Variants in ZRANB3 observed in about 807,000 individuals in gnomAD.
ZRANB3 encodes the protein zinc finger RANBP2-type containing 3.
Under a neutral mutation model 133.8 loss-of-function variants are expected in ZRANB3, and 125 were observed. That is an observed-to-expected ratio of 0.93 (90% confidence interval 0.81 to 1.08). The LOEUF is 1.08. ZRANB3 is among the 50% of genes least tolerant of loss of function. The pLI is 0.00. For synonymous variants in ZRANB3, 387 were observed against 432.7 expected, an observed-to-expected ratio of 0.89 and a Z score of 1.31; for missense variants, 1,229 against 1,275.5, an observed-to-expected ratio of 0.96 and a Z score of 0.56.
intron 2 of ZRANB3, among the ~76,000 whole-genome samples, chr2:135,471,197 C>G (rs751065928): frequency 4.6e-5 from 7 of 151,642 alleles, no homozygotes; most frequent in African/African-American, 9.7e-5. Context: ...CATTAAGCAG[C>G]CTGCTAGAAC....
chr2:135,232,149 G>A (rs1376694085), intron 12 of ZRANB3, among the ~76,000 whole-genome samples: 3 of 152,178 alleles, frequency 2.0e-5, no homozygotes, highest in African/African-American at 4.8e-5. Flanking sequence ...ATTATATCCC[G>A]CGCCTGGCTC....
chr2:135,493,614 A>G (rs1262121822), intron 2 of ZRANB3, among the ~76,000 whole-genome samples: 1 of 152,166 alleles, frequency 6.6e-6, no homozygotes, highest in Non-Finnish European at 1.5e-5. Context: ...AATAAGCTAC[A>G]TCTCGAATAG....
Position 135,200,320 on chromosome 2 carries a change from T to C in ZRANB3, c.*22A>G. On this transcript the variant is annotated 3_prime_UTR_variant, in exon 21 of 21. Coordinates refer to ENST00000264159, the MANE Select transcript of ZRANB3 (RefSeq NM_032143.4). The stretch of plus-strand genomic sequence containing the variant: ...TCTTCCACATGTAAACCATTTGTCA[T>C]TCATTCATATATTTTTCTACTTTAC... 1 of 1,543,234 alleles carries C rather than the reference T, an allele frequency of 6.5e-7. No homozygotes were observed. Among genetic ancestry groups the C allele is most frequent in the South Asian group, 1.2e-5 (1 of 84,566 alleles).
intron 8 of ZRANB3, among the ~76,000 whole-genome samples, chr2:135,285,990 T>C (rs1174863915): frequency 1.3e-5 from 2 of 152,260 alleles, no homozygotes; most frequent in African/African-American, 4.8e-5. Context: ...TAGTTGACTT[T>C]GTACTGGTAA....
intron 1 of ZRANB3, among the ~76,000 whole-genome samples, chr2:135,528,214 T>C (rs1694242097): frequency 6.6e-6 from 1 of 151,798 alleles, no homozygotes; most frequent in Admixed American, 6.6e-5. Context: ...AGTGGCTCAA[T>C]CACAGCTCAT....
chr2:135,356,302 A>G (rs1319604806), intron 3 of ZRANB3, among the ~76,000 whole-genome samples: 1 of 152,220 alleles, frequency 6.6e-6, no homozygotes, highest in African/African-American at 2.4e-5. Flanking sequence ...TCCCATCACA[A>G]AAAAGCATGT....
intron 3 of ZRANB3, among the ~76,000 whole-genome samples, chr2:135,370,906 G>A (rs1399933151): frequency 6.6e-6 from 1 of 152,194 alleles, no homozygotes; most frequent in South Asian, 2.1e-4. Context: ...CATGAGATCT[G>A]ATGGTTTTAT....
intron 12 of ZRANB3, among the ~76,000 whole-genome samples, chr2:135,256,352 A>G (rs1679652252): frequency 6.6e-6 from 1 of 152,140 alleles, no homozygotes; most frequent in Non-Finnish European, 1.5e-5. Flanking sequence ...TTTTTGAGAC[A>G]GAGTCTCACT....
chr2:135,378,089 T>C (rs1016640062), intron 3 of ZRANB3, among the ~76,000 whole-genome samples: 3 of 152,226 alleles, frequency 2.0e-5, no homozygotes, highest in African/African-American at 7.2e-5. Context: ...GATGGCCCAT[T>C]GTGGGACCTT....
intron 2 of ZRANB3, among the ~76,000 whole-genome samples, chr2:135,435,401 C>G (rs1689489526): frequency 6.6e-6 from 1 of 152,178 alleles, no homozygotes; most frequent in African/African-American, 2.4e-5. Flanking sequence ...CAGTGATGTG[C>G]ATTTAGGTTG....
intron 3 of ZRANB3, among the ~76,000 whole-genome samples, chr2:135,380,234 C>G (rs1455105713): frequency 6.6e-6 from 1 of 152,104 alleles, no homozygotes; most frequent in Non-Finnish European, 1.5e-5. Context: ...AAACCCCACT[C>G]ACAATATTAG....
chr2:135,517,764 T>A (rs906545913), intron 1 of ZRANB3, among the ~76,000 whole-genome samples: 1 of 152,208 alleles, frequency 6.6e-6, no homozygotes, highest in African/African-American at 2.4e-5. Context: ...GGAGACAGTC[T>A]GTCCCTTAGC....
At position 135,390,708 on chromosome 2, in the gene ZRANB3, T is replaced by C. The variant is rs1206291466; in HGVS notation, c.180+94A>G. 7.3e-5 allele frequency: 107 copies of C among 1,466,596 alleles called. 1 individual carries two copies. The highest frequency in any genetic ancestry group is 2.9e-4 in the South Asian group (23 of 79,634). The allele number at this position is 1,466,596 out of a possible 1,614,324, so 90.8% of individuals were successfully genotyped here. A position where few individuals can be genotyped will look rare whatever the true frequency, so the allele number is the denominator to read the frequency against. On this transcript the variant is annotated intron_variant, in intron 3 of 20. Transcript: ENST00000264159. ...CTCCCCATCCCCATATACAGACATATAGTCATATGGAGAAAGAGTACATGG... is the reference window on the plus strand; with the variant it reads ...CTCCCCATCCCCATATACAGACATACAGTCATATGGAGAAAGAGTACATGG...
chr2:135,293,477 A>G (rs901743936), intron 8 of ZRANB3, among the ~76,000 whole-genome samples: 17 of 152,280 alleles, frequency 1.1e-4, no homozygotes, highest in African/African-American at 2.2e-4. Flanking sequence ...GTTGCCTATC[A>G]GCTTAAGGAG....
At chr2:135,322,965 C>T (rs1461117490) in intron 6 of ZRANB3, among the ~76,000 whole-genome samples, 3 of 151,416 alleles carry the variant, frequency 2.0e-5, no homozygotes, top group Non-Finnish European at 4.4e-5. Context: ...TGCAGTGAGC[C>T]AAGATCGTGC....
In ZRANB3 at chr2:135,221,108, C is replaced by T. The variant is rs377751295; in HGVS notation, c.2251-1930G>A. Among the ~76,000 whole-genome samples, 21 of 152,158 alleles carry T rather than the reference C, an allele frequency of 1.4e-4. No individual in the cohort carries two copies. In the East Asian group the frequency reaches 3.7e-3, roughly 27 times the overall value. On this transcript the variant is annotated intron_variant, in intron 15 of 20. Transcript: ENST00000264159. The stretch of plus-strand genomic sequence containing the variant: ...CTGACCTCAGGTGATCCGCCTGCCT[C>T]GGCCTCCCAGAGTGTTGGGATTACA...
chr2:135,512,743 T>C (rs1693521135), intron 1 of ZRANB3, among the ~76,000 whole-genome samples: 1 of 151,862 alleles, frequency 6.6e-6, no homozygotes, highest in Non-Finnish European at 1.5e-5. Context: ...AAGAAAAGCA[T>C]TTTATAATGA....
chr2:135,452,332 T>C (rs1690314036), intron 2 of ZRANB3, among the ~76,000 whole-genome samples: 2 of 152,154 alleles, frequency 1.3e-5, no homozygotes, highest in African/African-American at 4.8e-5. Flanking sequence ...GAGATTTGAA[T>C]GGGTACACAG....
intron 12 of ZRANB3, among the ~76,000 whole-genome samples, chr2:135,236,661 C>A (rs554416776): frequency 1.3e-5 from 2 of 152,238 alleles, no homozygotes; most frequent in East Asian, 3.9e-4. Flanking sequence ...TGATCTTTGA[C>A]AAACCTGAGA....
Sources: gnomAD v4.1 joint callset for allele counts (sites outside exome capture counted in the v4.1 genomes callset) on GRCh38, gnomAD v4.1.1 for gene constraint, MANE v1.5 for transcripts, NCBI Gene and HGNC (gene_info 2026-07-23, HGNC 2026-07-21) for gene names.